TOMM7: variants seen among roughly 807,000 people sequenced by gnomAD.
TOMM7 encodes the protein translocase of outer mitochondrial membrane 7.
Under a neutral mutation model 9.5 loss-of-function variants are expected in TOMM7, and 8 were observed. The ratio of observed to expected loss-of-function variants is 0.84; its 90% CI spans 0.49 to 1.51. The LOEUF (loss-of-function observed/expected upper bound fraction) is 1.51. Among genes scored for constraint, TOMM7 ranks in the 40% most tolerant of loss-of-function variants. The pLI is 0.00. For missense variants in TOMM7, 74 were observed against 63.7 expected, an observed-to-expected ratio of 1.16 and a Z score of -0.55; for synonymous variants, 27 against 21.4, an observed-to-expected ratio of 1.26 and a Z score of -0.72.
At chr7:22,813,866 T>C (rs1439405690) in intron 2 of TOMM7, among the ~76,000 whole-genome samples, 1 of 144,298 alleles carries the variant, frequency 6.9e-6, no homozygotes, top group East Asian at 2.0e-4. Context: ...CTTAAAAATG[T>C]AGCCCAGTTG....
At chr7:22,814,317 T>G in intron 2 of TOMM7, among the ~76,000 whole-genome samples, 1 of 139,572 alleles carries the variant, frequency 7.2e-6, no homozygotes, top group Non-Finnish European at 1.5e-5. Context: ...ACCATTGCAC[T>G]CCAGCCTGGG....
chr7:22,813,228 T>TA lies in TOMM7; in HGVS notation c.153-44dup, dbSNP rs1264208733. ...AGAAGAAAGAAATTAAATTCCGAAA[T>TA]AAAAATCTTCTAGACATAACCTAAG... On this transcript the variant is annotated intron_variant, in intron 2 of 2. Coordinates refer to ENST00000358435, the MANE Select transcript of TOMM7 (RefSeq NM_019059.5). The TA allele has an allele frequency of 2.5e-6, 4 of 1,589,524 alleles. No homozygotes were observed. In the African/African-American group the frequency reaches 5.4e-5, roughly 21 times the overall value.
chr7:22,815,385 T>G (rs1034910958), intron 2 of TOMM7, among the ~76,000 whole-genome samples: 2 of 152,006 alleles, frequency 1.3e-5, no homozygotes, highest in Non-Finnish European at 2.9e-5. Flanking sequence ...CAATGCTTTG[T>G]CAATTCCTGT....
chr7:22,817,817 T>G, intron 2 of TOMM7, 183 bp downstream of exon 2: 1 of 563,610 alleles, frequency 1.8e-6, no homozygotes, highest in Non-Finnish European at 3.2e-6. Context: ...AGTTATAACA[T>G]GGTACAGTAA....
intron 2 of TOMM7, among the ~76,000 whole-genome samples, chr7:22,814,832 T>C (rs2286509): frequency 0.23 from 34,351 of 152,146 alleles, 4,297 homozygotes; most frequent in Middle Eastern, 0.34. Flanking sequence ...GATAATTAAC[T>C]GTATTATTTA....
intron 2 of TOMM7, among the ~76,000 whole-genome samples, chr7:22,813,803 C>CTA (rs1437197483): frequency 6.7e-6 from 1 of 148,340 alleles, no homozygotes; most frequent in Non-Finnish European, 1.5e-5. Context: ...TTTGCTGACT[C>CTA]CAATAGAGTG....
intron 1 of TOMM7, among the ~76,000 whole-genome samples, chr7:22,821,177 C>CT (rs1236587525): frequency 6.6e-6 from 1 of 151,996 alleles, no homozygotes; most frequent in African/African-American, 2.4e-5. Flanking sequence ...TTTGGGAGGC[C>CT]GAGGCGGGCG....
At chr7:22,821,178 G>T (rs571975127) in intron 1 of TOMM7, among the ~76,000 whole-genome samples, 1 of 152,084 alleles carries the variant, frequency 6.6e-6, no homozygotes, top group East Asian at 1.9e-4. Flanking sequence ...TTGGGAGGCC[G>T]AGGCGGGCGG....
chr7:22,813,204 GAAGA>G lies in TOMM7; in HGVS notation c.153-23_153-20del, dbSNP rs375531425. 234 of 1,606,278 alleles carry G rather than the reference GAAGA, an allele frequency of 1.5e-4. No homozygotes were observed. The highest frequency in any genetic ancestry group is 6.3e-4 in the East Asian group (28 of 44,756). Reference sequence around the variant, plus strand: ...AAGTAGGCTAAAATGTTTGTGAAGAGAAGAAAGAAATTAAATTCCGAAATAAAAA... The same window carrying G: ...AAGTAGGCTAAAATGTTTGTGAAGAGAAGAAATTAAATTCCGAAATAAAAA... On this transcript the variant is annotated intron_variant, in intron 2 of 2. Transcript: ENST00000358435.
At chr7:22,813,461 T>C (rs1038117970) in intron 2 of TOMM7, among the ~76,000 whole-genome samples, 4 of 152,224 alleles carry the variant, frequency 2.6e-5, no homozygotes, top group Non-Finnish European at 5.9e-5. Context: ...AAACGATTAC[T>C]GATTTCCATT....
In TOMM7 at chr7:22,815,939, G is replaced by A. The variant is rs887710834; in HGVS notation, c.152+2061C>T. ...TTGAGATTGGGCTTTTCTAGAAGCA[G>A]ATTTCCATCCAGTGGAAACTAAGGG... On this transcript the variant is annotated intron_variant, in intron 2 of 2. Transcript: ENST00000358435. Among the ~76,000 whole-genome samples, 3 of 152,186 alleles carry A rather than the reference G, an allele frequency of 2.0e-5. No homozygotes were observed. In the South Asian group the frequency reaches 6.2e-4, roughly 32 times the overall value.
At chr7:22,815,570 G>T (rs1782307255) in intron 2 of TOMM7, among the ~76,000 whole-genome samples, 1 of 152,086 alleles carries the variant, frequency 6.6e-6, no homozygotes. Context: ...ACCCACAGAA[G>T]ACCATCAAGA....
At chr7:22,816,209 T>A (rs1190672115) in intron 2 of TOMM7, among the ~76,000 whole-genome samples, 1 of 152,232 alleles carries the variant, frequency 6.6e-6, no homozygotes, top group Non-Finnish European at 1.5e-5. Flanking sequence ...GGCTACCTTA[T>A]TAGGTAGGTA....
chr7:22,822,304 A>T (rs1313930624), intron 1 of TOMM7: 153 of 1,538,212 alleles, frequency 9.9e-5, no homozygotes, highest in Non-Finnish European at 1.3e-4. Flanking sequence ...GACTCTTTCC[A>T]CTTAGGACCA....
chr7:22,822,069 G>A, intron 1 of TOMM7: 1 of 1,451,642 alleles, frequency 6.9e-7, no homozygotes, highest in Admixed American at 2.3e-5. Context: ...GGGCTCTGAT[G>A]CCCCACTGCC....
intron 2 of TOMM7, among the ~76,000 whole-genome samples, chr7:22,817,147 C>T (rs908933951): frequency 2.0e-5 from 3 of 152,144 alleles, no homozygotes; most frequent in African/African-American, 7.2e-5. Context: ...TCAGTCGTTC[C>T]TCCAGAGCAA....
intron 2 of TOMM7, among the ~76,000 whole-genome samples, chr7:22,813,583 A>C (rs1287970255): frequency 6.6e-6 from 1 of 152,106 alleles, no homozygotes; most frequent in Non-Finnish European, 1.5e-5. Context: ...GACACTGAGG[A>C]AAGTTCACAA....
chr7:22,822,441 G>T, intron 1 of TOMM7: 1 of 768,998 alleles, frequency 1.3e-6, no homozygotes, highest in Non-Finnish European at 2.0e-6. Flanking sequence ...CCACTTTAAG[G>T]ATGCAAAAAT....
rs773533400 is a variant in TOMM7, at chr7:22,813,200, A to T, written c.153-15T>A. ...CCCAAAGTAGGCTAAAATGTTTGTG[A>T]AGAGAAGAAAGAAATTAAATTCCGA... On this transcript the variant is annotated splice_polypyrimidine_tract_variant and intron_variant, in intron 2 of 2. Coordinates refer to ENST00000358435, the MANE Select transcript of TOMM7 (RefSeq NM_019059.5). 1 of 1,607,556 alleles carries T rather than the reference A, an allele frequency of 6.2e-7. No homozygotes were observed. Among genetic ancestry groups the T allele is most frequent in the Non-Finnish European group, 8.5e-7 (1 of 1,177,618 alleles).
Sources: gnomAD v4.1 joint callset for allele counts (sites outside exome capture counted in the v4.1 genomes callset) on GRCh38, gnomAD v4.1.1 for gene constraint, MANE v1.5 for transcripts, NCBI Gene and HGNC (gene_info 2026-07-23, HGNC 2026-07-21) for gene names.